BRINP3: variants seen among roughly 807,000 people sequenced by gnomAD.
BRINP3 encodes BMP/retinoic acid inducible neural specific 3.
Under a neutral mutation model 71.0 loss-of-function variants are expected in BRINP3, and 19 were observed. The observed-to-expected ratio is 0.27, with a 90% CI of 0.19 to 0.39. The LOEUF (loss-of-function observed/expected upper bound fraction) is 0.39. BRINP3 is among the 10% of genes least tolerant of loss of function. The pLI, the probability that BRINP3 is intolerant of heterozygous loss-of-function variation, is 1.00. For missense variants in BRINP3, 959 were observed against 940.8 expected, an observed-to-expected ratio of 1.02 and a Z score of -0.25; for synonymous variants, 380 against 337.7, an observed-to-expected ratio of 1.13 and a Z score of -1.37.
At chr1:190,390,961 T>A (rs896459552) in intron 2 of BRINP3, among the ~76,000 whole-genome samples, 2 of 151,778 alleles carry the variant, frequency 1.3e-5, no homozygotes, top group Non-Finnish European at 2.9e-5. Context: ...ATAAATGTAA[T>A]CCTTTAGAGT....
chr1:190,206,302 C>G (rs1655493185), intron 6 of BRINP3, among the ~76,000 whole-genome samples: 2 of 151,894 alleles, frequency 1.3e-5, no homozygotes, highest in South Asian at 4.1e-4. Context: ...TGACAGGTTT[C>G]TATTTGTCCT....
At chr1:190,315,558 T>C (rs892103191) in intron 2 of BRINP3, among the ~76,000 whole-genome samples, 1 of 152,142 alleles carries the variant, frequency 6.6e-6, no homozygotes, top group Non-Finnish European at 1.5e-5. Context: ...AAGAATTGCT[T>C]TGTGTCTTCT....
At chr1:190,331,639 A>G (rs895663086) in intron 2 of BRINP3, among the ~76,000 whole-genome samples, 3 of 152,094 alleles carry the variant, frequency 2.0e-5, no homozygotes, top group Non-Finnish European at 2.9e-5. Flanking sequence ...GTGAAAACCC[A>G]GCATCTGAAC....
At chr1:190,453,546 T>C (rs1303017059) in intron 2 of BRINP3, among the ~76,000 whole-genome samples, 2 of 151,952 alleles carry the variant, frequency 1.3e-5, no homozygotes, top group African/African-American at 4.8e-5. Context: ...AAAAATAGAG[T>C]AAATCTTTTC....
At chr1:190,391,657 C>A (rs917791828) in intron 2 of BRINP3, among the ~76,000 whole-genome samples, 7 of 151,738 alleles carry the variant, frequency 4.6e-5, no homozygotes, top group Admixed American at 1.3e-4. Flanking sequence ...TAGACATGTT[C>A]TTTTCAGTCA....
At chr1:190,337,675 C>T (rs1400339242) in intron 2 of BRINP3, among the ~76,000 whole-genome samples, 1 of 152,044 alleles carries the variant, frequency 6.6e-6, no homozygotes, top group Non-Finnish European at 1.5e-5. Flanking sequence ...TGTCAGCTTC[C>T]CTACTTTTGA....
rs1214116977 is a variant in BRINP3, at chr1:190,217,353, A to G, written c.961+8729T>C. Among the ~76,000 whole-genome samples, 7 of 152,012 alleles carry G rather than the reference A, an allele frequency of 4.6e-5. No homozygotes were observed. In the East Asian group the frequency reaches 1.2e-3, roughly 25 times the overall value. ...TTTGTTTATCTGTTATGAGGCAAAA[A>G]AAAAATGTTTCTCTTAACCAAAAGC... On this transcript the variant is annotated intron_variant, in intron 6 of 7. Transcript: ENST00000367462.
Position 190,399,063 on chromosome 1 carries a change from T to C in BRINP3, c.236+55592A>G, listed in dbSNP as rs144060760. 6.0e-3 allele frequency among the ~76,000 whole-genome samples: 920 copies of C among 152,092 alleles called. 9 individuals are homozygous for C. Among genetic ancestry groups the C allele is most frequent in the Non-Finnish European group, 0.01 (694 of 67,896 alleles). ...TTATGATTACTTTGTGCGCAGAAAT[T>C]ACTATTAATTTACCTCATTGATGTA... On this transcript the variant is annotated intron_variant, in intron 2 of 7. Transcript: ENST00000367462.
chr1:190,343,589 T>C (rs964036194), intron 2 of BRINP3, among the ~76,000 whole-genome samples: 2 of 151,720 alleles, frequency 1.3e-5, no homozygotes, highest in African/African-American at 4.8e-5. Flanking sequence ...AACAATCATT[T>C]TTACTTTTAT....
chr1:190,415,735 G>A (rs964324762), intron 2 of BRINP3, among the ~76,000 whole-genome samples: 1 of 151,930 alleles, frequency 6.6e-6, no homozygotes, highest in South Asian at 2.1e-4. Context: ...ACCCCTTATA[G>A]AAAAACATTT....
chr1:190,113,478 A>G (rs1314074065), intron 7 of BRINP3, among the ~76,000 whole-genome samples: 1 of 152,206 alleles, frequency 6.6e-6, no homozygotes, highest in Non-Finnish European at 1.5e-5. Context: ...ACAAAGAAGA[A>G]CATAATCCCA....
intron 2 of BRINP3, among the ~76,000 whole-genome samples, chr1:190,431,960 T>C (rs935088933): frequency 6.6e-6 from 1 of 152,198 alleles, no homozygotes; most frequent in Non-Finnish European, 1.5e-5. Context: ...ACCTCTAATG[T>C]ACATTTATTT....
intron 4 of BRINP3, among the ~76,000 whole-genome samples, chr1:190,236,118 T>C (rs1429556086): frequency 6.6e-6 from 1 of 151,844 alleles, no homozygotes; most frequent in African/African-American, 2.4e-5. Context: ...AGTAAATAGG[T>C]ACAATAAACT....
intron 6 of BRINP3, among the ~76,000 whole-genome samples, chr1:190,204,147 G>T (rs1233314908): frequency 6.6e-6 from 1 of 151,734 alleles, no homozygotes. Context: ...GTTAAATTTT[G>T]CCTTGATGAA....
intron 2 of BRINP3, among the ~76,000 whole-genome samples, chr1:190,314,564 C>A (rs1270927843): frequency 6.6e-6 from 1 of 152,098 alleles, no homozygotes; most frequent in Non-Finnish European, 1.5e-5. Context: ...CTAATGGGGG[C>A]ATTAGCCAAG....
rs780765835 is a variant in BRINP3, at chr1:190,161,034, G to A, written c.962-144C>T. On this transcript the variant is annotated intron_variant, in intron 6 of 7. Transcript: ENST00000367462. ...AATAAATACAGTGCCTCATTTGTGA[G>A]TAGCAAATTAATAGAAGATGGGGTT... The A allele has an allele frequency of 1.4e-5, 8 of 569,112 alleles. No individual in the cohort carries two copies. In the South Asian group the frequency reaches 1.8e-4, roughly 13 times the overall value. The allele number at this position is 569,112 out of a possible 1,614,324, so 35.3% of individuals were successfully genotyped here. A position where few individuals can be genotyped will look rare whatever the true frequency, so the allele number is the denominator to read the frequency against.
At chr1:190,342,357 T>A (rs1667716767) in intron 2 of BRINP3, 1 of 137,524 alleles carries the variant, frequency 7.3e-6, no homozygotes, top group African/African-American at 2.7e-5. Flanking sequence ...TACATATTCA[T>A]GGTTAGGGCT....
At chr1:190,144,312 CCTAAAACAAA>C (rs1042122881) in intron 7 of BRINP3, among the ~76,000 whole-genome samples, 4 of 152,136 alleles carry the variant, frequency 2.6e-5, no homozygotes, top group African/African-American at 7.2e-5. Flanking sequence ...TCTAACCTGC[CCTAAAACAAA>C]GTGGAAGTTC....
intron 1 of BRINP3, among the ~76,000 whole-genome samples, chr1:190,463,098 T>A (rs1386830337): frequency 6.6e-6 from 1 of 151,870 alleles, no homozygotes; most frequent in Non-Finnish European, 1.5e-5. Context: ...ATGGCTAAAC[T>A]GGATTAATTT....
Sources: allele counts gnomAD v4.1 joint callset (sites outside exome capture counted in the v4.1 genomes callset), GRCh38; gene constraint gnomAD v4.1.1; transcripts MANE v1.5; gene names NCBI Gene and HGNC (gene_info 2026-07-23, HGNC 2026-07-21).